Variants in GNB1L observed in about 807,000 individuals in gnomAD.
GNB1L encodes the protein G protein subunit beta 1 like, also known as guanine nucleotide-binding protein subunit beta-like protein 1.
A neutral mutation model predicts 29.1 loss-of-function variants in GNB1L; 20 were observed. The ratio of observed to expected loss-of-function variants is 0.69; its 90% confidence interval spans 0.48 to 1.00. GNB1L has a LOEUF of 1.00. GNB1L is among the 50% of genes least tolerant of loss of function. The pLI is 0.00. For missense variants in GNB1L, 421 were observed against 464.9 expected, an observed-to-expected ratio of 0.91 and a Z score of 0.87; for synonymous variants, 193 against 206.5, an observed-to-expected ratio of 0.93 and a Z score of 0.56.
intron 2 of GNB1L, chr22:19,846,547 A>G (rs1393990011): frequency 1.0e-6 from 1 of 985,340 alleles, no homozygotes; most frequent in African/African-American, 1.7e-5. Flanking sequence ...CAAAGACAAA[A>G]CCAGAGAAGC....
At chr22:19,811,429 C>G (rs1937499374) in intron 5 of GNB1L, among the ~76,000 whole-genome samples, 1 of 152,164 alleles carries the variant, frequency 6.6e-6, no homozygotes, top group African/African-American at 2.4e-5. Context: ...CCATGCCCCA[C>G]TCACCAGGTG....
rs1013060398 is a variant in GNB1L at position 19,783,451 on chromosome 22, G to A, written c.*5258C>T. The A allele has an allele frequency of 2.4e-5, 7 of 285,976 alleles. No individual in the cohort carries two copies. Among genetic ancestry groups the A allele is most frequent in the Middle Eastern group, 1.3e-3 (1 of 768 alleles). 17.7% of individuals were successfully genotyped at this position (285,976 alleles called of 1,614,324 possible). A position where few individuals can be genotyped will look rare whatever the true frequency, so the allele number is the denominator to read the frequency against. On this transcript the variant is annotated 3_prime_UTR_variant, in exon 8 of 8. Transcript: ENST00000329517. ...AAGGCCATGAGTTACTCGGGAGGCT[G>A]AGGCAGGAGGATCACTTGAGCCTAT...
At position 19,812,331 on chromosome 22, in the gene GNB1L, C is replaced by A; in HGVS notation, c.371G>T (p.Gly124Val). ...GFCRSSILAGGQPRWTLAVPG... is the reference protein window; with the variant it reads ...GFCRSSILAGVQPRWTLAVPG... ...CACGGCAAGCGTCCAGCGTGGCTGGCCCCCGGCCAGGATGCTGCTCCGGCA... is the reference window on the plus strand; with the variant it reads ...CACGGCAAGCGTCCAGCGTGGCTGGACCCCGGCCAGGATGCTGCTCCGGCA... The change falls in exon 5 of 8, where the codon GGC becomes GTC. Residue 124 changes from glycine (G) to valine (V), a missense_variant. Coordinates refer to ENST00000329517, the MANE Select transcript of GNB1L (RefSeq NM_053004.3). 1 of 1,612,962 alleles carries A rather than the reference C, an allele frequency of 6.2e-7. No individual in the cohort carries two copies. The highest frequency in any genetic ancestry group is 8.5e-7 in the Non-Finnish European group (1 of 1,179,876).
chr22:19,783,570 AAAACAAAC>A lies in GNB1L; in HGVS notation c.*5131_*5138del, dbSNP rs60613692. On this transcript the variant is annotated 3_prime_UTR_variant, in exon 8 of 8. Transcript: ENST00000329517. ...CACTGTCCCTGGTCTCTTAAAAGAA[AAAACAAAC>A]AAACAAACCAAAAAACAAAACAGCT... is the stretch of plus-strand genomic sequence containing the variant. The A allele has an allele frequency of 1.2e-5, 2 of 166,814 alleles. No individual in the cohort carries two copies. The highest frequency in any genetic ancestry group is 2.6e-5 in the Non-Finnish European group (2 of 76,830). 10.3% of individuals were successfully genotyped at this position (166,814 alleles called of 1,614,324 possible).
intron 2 of GNB1L, among the ~76,000 whole-genome samples, chr22:19,825,283 C>T (rs1242071986): frequency 6.6e-6 from 1 of 152,230 alleles, no homozygotes; most frequent in African/African-American, 2.4e-5. Context: ...GACGGACACC[C>T]TGGGTGGCCC....
chr22:19,850,572 G>C, intron 2 of GNB1L: 2 of 1,148,370 alleles, frequency 1.7e-6, no homozygotes, highest in Non-Finnish European at 2.1e-6. Context: ...CAGAACTGCT[G>C]GTAATCCCAC....
intron 2 of GNB1L, chr22:19,847,824 A>AAAAAAAAAAAAAAAAAAAAAAAAC (rs1338653759): frequency 1.1e-6 from 1 of 912,270 alleles, no homozygotes; most frequent in Non-Finnish European, 1.3e-6. Flanking sequence ...AAAAAAAAAA[A>AAAAAAAAAAAAAAAAAAAAAAAAC]ATTCACCCAT....
Position 19,809,516 on chromosome 22 carries a change from C to A in GNB1L, c.418-2759G>T, listed in dbSNP as rs1217657639. Reference sequence around the variant, plus strand: ...TCTGTCCTTGCAATAAGGCAAGGGTCTAATTGAGCTGACTAATACAAGCCA... The same window carrying A: ...TCTGTCCTTGCAATAAGGCAAGGGTATAATTGAGCTGACTAATACAAGCCA... On this transcript the variant is annotated intron_variant, in intron 5 of 7. Transcript: ENST00000329517. Among the ~76,000 whole-genome samples the A allele has an allele frequency of 3.3e-5, 5 of 152,208 alleles. No individual in the cohort carries two copies. The East Asian group carries it at 9.6e-4, about 29-fold the overall frequency.
intron 6 of GNB1L, 51 bp downstream of exon 6, chr22:19,806,608 A>T: frequency 8.9e-7 from 1 of 1,126,030 alleles, no homozygotes. Context: ...AGCATGACTC[A>T]TGGCCGTGGG....
intron 2 of GNB1L, chr22:19,846,492 GT>G (rs1937964271): frequency 1.0e-6 from 1 of 985,284 alleles, no homozygotes; most frequent in Non-Finnish European, 1.2e-6. Context: ...ACACAGGCAT[GT>G]GGAGACCACA....
chr22:19,802,018 A>G lies in GNB1L; in HGVS notation c.715T>C (p.Trp239Arg), dbSNP rs2073770. 1 of 1,593,606 alleles carries G rather than the reference A, an allele frequency of 6.3e-7. No individual in the cohort carries two copies. The highest frequency in any genetic ancestry group is 1.3e-5 in the African/African-American group (1 of 74,564). The change falls in exon 7 of 8, where the codon TGG (tryptophan) becomes CGG (arginine). Residue 239 changes from tryptophan to arginine, a missense_variant. Coordinates refer to ENST00000329517, the MANE Select transcript of GNB1L (RefSeq NM_053004.3). ...GKALAVWSLD[W>R]QQALQVRGTH... is the part of the protein sequence containing the mutation. The stretch of plus-strand genomic sequence containing the variant: ...GCACTGACCTGCAGGGCCTGCTGCC[A>G]GTCCAGGCTCCAGACAGCCAGCGCC...
chr22:19,815,343 C>T (rs977888386), intron 4 of GNB1L, among the ~76,000 whole-genome samples: 6 of 152,198 alleles, frequency 3.9e-5, no homozygotes, highest in Non-Finnish European at 1.5e-5. Context: ...GGAGAACCTG[C>T]CAAACTGATG....
chr22:19,789,554 C>T (rs1349926619), intron 7 of GNB1L, among the ~76,000 whole-genome samples: 1 of 151,814 alleles, frequency 6.6e-6, no homozygotes, highest in Non-Finnish European at 1.5e-5. Context: ...AGGAGCCACA[C>T]AGTGTACCTT....
intron 2 of GNB1L, among the ~76,000 whole-genome samples, chr22:19,831,221 G>A (rs11089311): frequency 0.13 from 19,347 of 151,778 alleles, 1,506 homozygotes; most frequent in Middle Eastern, 0.23. Flanking sequence ...TTATCTGGGC[G>A]CGGTGGCAAG....
intron 2 of GNB1L, among the ~76,000 whole-genome samples, chr22:19,829,518 A>C (rs1937651151): frequency 6.6e-6 from 1 of 152,216 alleles, no homozygotes; most frequent in African/African-American, 2.4e-5. Context: ...ACTACGTACC[A>C]ATTTATGAGA....
At chr22:19,850,792 GT>G (rs1938076200) in intron 2 of GNB1L, 1 of 1,284,632 alleles carries the variant, frequency 7.8e-7, no homozygotes, top group South Asian at 3.2e-5. Flanking sequence ...GTCCCAGCCA[GT>G]GTGGAAGACA....
rs1569060002 is a variant in GNB1L, at chr22:19,854,834, C to CGGGAACGCCTGCTCCT, written c.-148_-133dup. On this transcript the variant is annotated 5_prime_UTR_variant, in exon 1 of 8. Transcript: ENST00000329517. Reference sequence around the variant, plus strand: ...TCCACACTGACCCTCTTGCCGGAGTCGGGAACGCCTGCTCCTAGGAGCGCC... The same window carrying CGGGAACGCCTGCTCCT: ...TCCACACTGACCCTCTTGCCGGAGTCGGGAACGCCTGCTCCTGGGAACGCCTGCTCCTAGGAGCGCC... 1 of 152,314 alleles carries CGGGAACGCCTGCTCCT rather than the reference C, an allele frequency of 6.6e-6. No homozygotes were observed. The highest frequency in any genetic ancestry group is 2.4e-5 in the African/African-American group (1 of 41,470). The allele number at this position is 152,314 out of a possible 1,614,324, so 9.4% of individuals were successfully genotyped here.
chr22:19,828,153 A>G (rs1937634702), intron 2 of GNB1L, among the ~76,000 whole-genome samples: 1 of 152,226 alleles, frequency 6.6e-6, no homozygotes, highest in Non-Finnish European at 1.5e-5. Flanking sequence ...GACTCAGAAT[A>G]TGTCACTCAA....
At position 19,832,651 on chromosome 22, in the gene GNB1L, G is replaced by A. The variant is rs189823109; in HGVS notation, c.-20-11276C>T. Among the ~76,000 whole-genome samples the A allele has an allele frequency of 1.5e-3, 236 of 152,312 alleles. 2 individuals carry two copies. Among genetic ancestry groups the A allele is most frequent in the African/African-American group, 5.5e-3 (227 of 41,572 alleles). On this transcript the variant is annotated intron_variant, in intron 2 of 7. Transcript: ENST00000329517. ...CCCTCTCTCACGGTGCTGCCCCAGG[G>A]ATGGCCCTGCACACAGAGCCCAGGG... is the stretch of plus-strand genomic sequence containing the variant.
Sources: gnomAD v4.1 joint callset for allele counts (sites outside exome capture counted in the v4.1 genomes callset) on GRCh38, gnomAD v4.1.1 for gene constraint, MANE v1.5 for transcripts, NCBI Gene and HGNC (gene_info 2026-07-23, HGNC 2026-07-21) for gene names.